The following DPT variants were observed in gnomAD, a reference collection of about 807,000 sequenced individuals.
DPT encodes tyrosine-rich acidic matrix protein.
Under a neutral mutation model 31.2 loss-of-function variants are expected in DPT, and 21 were observed. The observed-to-expected ratio is 0.67, with a 90% CI of 0.48 to 0.97. The LOEUF is 0.97. Ranked by LOEUF, DPT falls within the 50% of genes least tolerant of loss-of-function variation. The pLI, the probability that DPT is intolerant of heterozygous loss-of-function variation, is 0.00. For missense variants in DPT, 262 were observed against 258.8 expected, an observed-to-expected ratio of 1.01 and a Z score of -0.08; for synonymous variants, 91 against 86.9, an observed-to-expected ratio of 1.05 and a Z score of -0.26.
intron 2 of DPT, among the ~76,000 whole-genome samples, chr1:168,701,513 T>C (rs1480166197): frequency 2.0e-5 from 3 of 152,212 alleles, no homozygotes; most frequent in East Asian, 3.8e-4. Flanking sequence ...TAATTGGCTT[T>C]AAAAGAGACA....
chr1:168,721,574 C>G (rs867644671), intron 1 of DPT, among the ~76,000 whole-genome samples: 3 of 152,148 alleles, frequency 2.0e-5, no homozygotes, highest in Admixed American at 6.5e-5. Flanking sequence ...TGAGAGGAGC[C>G]TCAGAAAGCA....
intron 1 of DPT, among the ~76,000 whole-genome samples, chr1:168,719,952 T>C (rs1212166525): frequency 6.6e-6 from 1 of 152,144 alleles, no homozygotes; most frequent in Non-Finnish European, 1.5e-5. Context: ...TGTGAACCTA[T>C]TCTGAGAAAG....
At chr1:168,725,215 A>ATTCCTTTCCT (rs746132155) in intron 1 of DPT, among the ~76,000 whole-genome samples, 20,719 of 110,694 alleles carry the variant, frequency 0.19, 2,897 homozygotes, top group African/African-American at 0.28. Flanking sequence ...TTTCCTTTCC[A>ATTCCTTTCCT]TTCCTTTCCT....
chr1:168,695,576 GA>G lies in DPT; in HGVS notation c.*972del, dbSNP rs34175821. ...GCGCCATCTCTGCAGAAGAACTCCTGAGCCACACACAGAAGGAAAGTTGATC... is the reference window on the plus strand; with the variant it reads ...GCGCCATCTCTGCAGAAGAACTCCTGGCCACACACAGAAGGAAAGTTGATC... On this transcript the variant is annotated 3_prime_UTR_variant, in exon 4 of 4. Transcript: ENST00000367817. 26,008 of 152,156 alleles carry G rather than the reference GA, an allele frequency of 0.17. 2,348 individuals are homozygous for G. The highest frequency in any genetic ancestry group is 0.19 in the Middle Eastern group (57 of 294). 9.4% of individuals were successfully genotyped at this position (152,156 alleles called of 1,614,324 possible). A position where few individuals can be genotyped will look rare whatever the true frequency, so the allele number is the denominator to read the frequency against.
rs1649643622 is a variant in DPT at position 168,703,316 on chromosome 1, C to G, written c.432-2192G>C. 2.0e-5 allele frequency among the ~76,000 whole-genome samples: 3 copies of G among 152,150 alleles called. No homozygotes were observed. The South Asian group carries it at 6.2e-4, about 32-fold the overall frequency. ...GTTTTTACTGACCACTCTGATCTGTCTTCAGATACTTGGATAAATATCACG... is the reference window on the plus strand; with the variant it reads ...GTTTTTACTGACCACTCTGATCTGTGTTCAGATACTTGGATAAATATCACG... On this transcript the variant is annotated intron_variant, in intron 2 of 3. Transcript: ENST00000367817.
intron 2 of DPT, among the ~76,000 whole-genome samples, chr1:168,712,162 C>A (rs1179783318): frequency 6.6e-6 from 1 of 152,118 alleles, no homozygotes; most frequent in Non-Finnish European, 1.5e-5. Context: ...CACTGGAAGT[C>A]CAGGTAGAGA....
chr1:168,697,924 G>T (rs10918959), intron 3 of DPT, among the ~76,000 whole-genome samples: 4,068 of 152,236 alleles, frequency 0.027, 189 homozygotes, highest in African/African-American at 0.092. Flanking sequence ...AGAAGAACAC[G>T]TGGCTGCCAT....
chr1:168,708,208 T>C (rs1237867470), intron 2 of DPT, among the ~76,000 whole-genome samples: 1 of 152,242 alleles, frequency 6.6e-6, no homozygotes, highest in Non-Finnish European at 1.5e-5. Flanking sequence ...TTTATTGTTT[T>C]TTTCTGAATA....
chr1:168,713,188 G>C (rs1479095250), intron 2 of DPT, among the ~76,000 whole-genome samples: 3 of 152,182 alleles, frequency 2.0e-5, no homozygotes, highest in African/African-American at 7.2e-5. Flanking sequence ...TTCACCCACT[G>C]TAGAGGAGTA....
chr1:168,709,667 A>C (rs552463019), intron 2 of DPT, among the ~76,000 whole-genome samples: 1 of 152,326 alleles, frequency 6.6e-6, no homozygotes, highest in South Asian at 2.1e-4. Context: ...TCACTTAGCT[A>C]GTTCATACGG....
intron 1 of DPT, among the ~76,000 whole-genome samples, chr1:168,715,382 C>T (rs922109908): frequency 6.6e-6 from 1 of 151,950 alleles, no homozygotes; most frequent in African/African-American, 2.4e-5. Context: ...TACCTGACCA[C>T]AGTGGATTTC....
chr1:168,710,948 C>A (rs1298925247), intron 2 of DPT, among the ~76,000 whole-genome samples: 1 of 151,990 alleles, frequency 6.6e-6, no homozygotes, highest in African/African-American at 2.4e-5. Flanking sequence ...TTATCCCTTT[C>A]TCTCACACTT....
In DPT at chr1:168,728,965, G is replaced by T. The variant is rs373094371; in HGVS notation, c.210C>A (p.Asp70Glu). The T allele has an allele frequency of 1.9e-6, 3 of 1,614,102 alleles. No individual in the cohort carries two copies. Among genetic ancestry groups the T allele is most frequent in the Non-Finnish European group, 2.5e-6 (3 of 1,180,052 alleles). Reference sequence around the variant, plus strand: ...GCATGCAGGCGTAGTTCCATTGTCTGTCAGAACCTTCCTTCTTGCTGAAGA... The same window carrying T: ...GCATGCAGGCGTAGTTCCATTGTCTTTCAGAACCTTCCTTCTTGCTGAAGA... ...RSIFSKKEGS[D>E]RQWNYACMPT... The change falls in exon 1 of 4, where the codon GAC becomes GAA. Residue 70 changes from aspartate to glutamate, a missense_variant. Asp to Glu is a conservative substitution (Grantham distance 45). Transcript: ENST00000367817.
intron 2 of DPT, 136 bp from the exon 3 acceptor site, chr1:168,701,260 C>A: frequency 2.9e-6 from 2 of 682,578 alleles, no homozygotes; most frequent in East Asian, 2.7e-5. Context: ...TGACATCCAC[C>A]AAACAACTCC....
chr1:168,726,534 C>T (rs1650246291), intron 1 of DPT, among the ~76,000 whole-genome samples: 1 of 152,182 alleles, frequency 6.6e-6, no homozygotes, highest in Admixed American at 6.5e-5. Context: ...GACTGGAGGG[C>T]TGAGCGTCTG....
chr1:168,719,318 C>T lies in DPT; in HGVS notation c.306-4972G>A, dbSNP rs139624480. ...CTCTCCTCCATTCCTCTCATTTTCA[C>T]TTTTAACAAAGCTCCTTATTTAACA... On this transcript the variant is annotated intron_variant, in intron 1 of 3. Coordinates refer to ENST00000367817, the MANE Select transcript of DPT (RefSeq NM_001937.5). Among the ~76,000 whole-genome samples, 181 of 152,252 alleles carry T rather than the reference C, an allele frequency of 1.2e-3. 1 individual carries two copies. Among genetic ancestry groups the T allele is most frequent in the African/African-American group, 4.2e-3 (176 of 41,530 alleles).
chr1:168,711,125 C>T (rs1299204743), intron 2 of DPT, among the ~76,000 whole-genome samples: 1 of 151,808 alleles, frequency 6.6e-6, no homozygotes, highest in Non-Finnish European at 1.5e-5. Flanking sequence ...ATTCTCCTGC[C>T]TCAGCCTCCT....
intron 1 of DPT, among the ~76,000 whole-genome samples, chr1:168,724,359 C>T (rs1650189648): frequency 6.6e-6 from 1 of 152,218 alleles, no homozygotes; most frequent in Non-Finnish European, 1.5e-5. Flanking sequence ...GGAAAACCTG[C>T]AGGCCTCCTT....
intron 1 of DPT, among the ~76,000 whole-genome samples, chr1:168,722,289 C>A (rs950758720): frequency 6.6e-6 from 1 of 152,150 alleles, no homozygotes; most frequent in Non-Finnish European, 1.5e-5. Flanking sequence ...ATAATGTACA[C>A]ATAATATTTA....
Sources: allele counts gnomAD v4.1 joint callset (sites outside exome capture counted in the v4.1 genomes callset), GRCh38; gene constraint gnomAD v4.1.1; transcripts MANE v1.5; gene names NCBI Gene and HGNC (gene_info 2026-07-23, HGNC 2026-07-21).